The following HIVEP3 variants were observed in gnomAD, a reference collection of about 807,000 sequenced individuals.
The protein encoded by HIVEP3 is HIVEP zinc finger 3.
A neutral mutation model predicts 152.8 loss-of-function variants in HIVEP3; 49 were observed. That is an observed-to-expected ratio of 0.32 (90% CI 0.26 to 0.41). The LOEUF (loss-of-function observed/expected upper bound fraction) is 0.41. HIVEP3 is among the 10% of genes least tolerant of loss of function. HIVEP3 has a pLI of 1.00. For missense variants in HIVEP3, 2,790 were observed against 3,103.3 expected, an observed-to-expected ratio of 0.90 and a Z score of 2.40; for synonymous variants, 1,269 against 1,289.0, an observed-to-expected ratio of 0.98 and a Z score of 0.33.
chr1:41,957,278 G>C (rs1302486615), intron 1 of HIVEP3, among the ~76,000 whole-genome samples: 1 of 152,140 alleles, frequency 6.6e-6, no homozygotes, highest in Admixed American at 6.5e-5. Flanking sequence ...AAATAAAGTA[G>C]AATAAAATCC....
chr1:41,712,527 CGATGGTT>C (rs1558201664), intron 1 of HIVEP3, among the ~76,000 whole-genome samples: 1 of 152,120 alleles, frequency 6.6e-6, no homozygotes, highest in East Asian at 1.9e-4. Context: ...TGTGGCTGGC[CGATGGTT>C]TAGGCAGATG....
At chr1:41,756,384 A>G (rs1182308886) in intron 1 of HIVEP3, among the ~76,000 whole-genome samples, 1 of 152,240 alleles carries the variant, frequency 6.6e-6, no homozygotes, top group African/African-American at 2.4e-5. Context: ...GTGATGAAGT[A>G]ACGTGATAAA....
chr1:42,026,089 T>A (rs116204012), intron 1 of HIVEP3, among the ~76,000 whole-genome samples: 2 of 151,254 alleles, frequency 1.3e-5, no homozygotes, highest in African/African-American at 2.4e-5. Flanking sequence ...AAAAAAAAAA[T>A]CTGCGAAAAG....
At chr1:41,791,159 C>CACAA (rs1338201542) in intron 1 of HIVEP3, among the ~76,000 whole-genome samples, 6 of 145,706 alleles carry the variant, frequency 4.1e-5, no homozygotes, top group Non-Finnish European at 7.5e-5. Context: ...CACACACACA[C>CACAA]ACACACGAGT....
intron 1 of HIVEP3, among the ~76,000 whole-genome samples, chr1:41,765,014 A>G (rs871343): frequency 0.47 from 71,467 of 151,930 alleles, 19,684 homozygotes; most frequent in Non-Finnish European, 0.63. Context: ...CAACTGTGTC[A>G]CCCTTTACCA....
chr1:41,707,142 G>A lies in HIVEP3; in HGVS notation c.-800-6147C>T, dbSNP rs189345654. Among the ~76,000 whole-genome samples the A allele has an allele frequency of 5.9e-5, 9 of 152,290 alleles. No homozygotes were observed. The East Asian group carries it at 7.7e-4, about 13-fold the overall frequency. On this transcript the variant is annotated intron_variant, in intron 1 of 8. Coordinates refer to ENST00000372583, the MANE Select transcript of HIVEP3 (RefSeq NM_024503.5). ...ATGCTGCTCCCCTCAGCTCCCCCGGGGCTGCCCCTTGAAGGGGTTCTGCAG... is the reference window on the plus strand; with the variant it reads ...ATGCTGCTCCCCTCAGCTCCCCCGGAGCTGCCCCTTGAAGGGGTTCTGCAG...
At chr1:41,853,002 C>T (rs1364492434) in intron 1 of HIVEP3, among the ~76,000 whole-genome samples, 3 of 152,142 alleles carry the variant, frequency 2.0e-5, no homozygotes, top group Non-Finnish European at 2.9e-5. Context: ...ACTTCACGTC[C>T]CCACCACGAA....
Position 42,012,276 on chromosome 1 carries a change from C to T in HIVEP3, n.119+23531G>A, listed in dbSNP as rs187636327. 2.0e-5 allele frequency among the ~76,000 whole-genome samples: 3 copies of T among 152,262 alleles called. No individual in the cohort carries two copies. The East Asian group carries it at 5.8e-4, about 29-fold the overall frequency. On this transcript the variant is annotated intron_variant and non_coding_transcript_variant, in intron 1 of 3. Coordinates refer to the HIVEP3 transcript ENST00000489103. Reference sequence around the variant, plus strand: ...GTACCTTATAATTGGTGACCTCTCACATGTTATGAATGGAGTGTTTGCGTA... The same window carrying T: ...GTACCTTATAATTGGTGACCTCTCATATGTTATGAATGGAGTGTTTGCGTA...
intron 1 of HIVEP3, among the ~76,000 whole-genome samples, chr1:41,897,562 A>C (rs1644549552): frequency 1.3e-5 from 2 of 152,196 alleles, no homozygotes; most frequent in Non-Finnish European, 2.9e-5. Context: ...CAGCCGCCAG[A>C]ATAGTGAGCA....
intron 1 of HIVEP3, among the ~76,000 whole-genome samples, chr1:41,867,227 A>C (rs1284741647): frequency 1.3e-5 from 2 of 151,978 alleles, no homozygotes; most frequent in East Asian, 3.9e-4. Context: ...GCATGAAATG[A>C]GGTGGATGGG....
intron 1 of HIVEP3, among the ~76,000 whole-genome samples, chr1:41,738,724 T>A (rs2124201383): frequency 6.6e-6 from 1 of 152,312 alleles, no homozygotes; most frequent in South Asian, 2.1e-4. Flanking sequence ...GCTTGATCAA[T>A]TCCTTTCTCC....
At chr1:41,606,214 C>T (rs1015115726) in intron 3 of HIVEP3, among the ~76,000 whole-genome samples, 4 of 151,878 alleles carry the variant, frequency 2.6e-5, no homozygotes, top group Admixed American at 2.6e-4. Flanking sequence ...TTTGGTGGTT[C>T]TGGCAGTTGC....
chr1:41,970,467 T>C (rs1033958402), intron 1 of HIVEP3, among the ~76,000 whole-genome samples: 1 of 152,056 alleles, frequency 6.6e-6, no homozygotes, highest in African/African-American at 2.4e-5. Context: ...TATTATCTTA[T>C]AAGTGGGAGC....
intron 1 of HIVEP3, among the ~76,000 whole-genome samples, chr1:42,005,622 T>C (rs1645454965): frequency 6.6e-6 from 1 of 152,190 alleles, no homozygotes; most frequent in South Asian, 2.1e-4. Context: ...GCTGCATCTT[T>C]CTGAAGATAT....
chr1:41,943,177 A>C (rs928151958), intron 1 of HIVEP3, among the ~76,000 whole-genome samples: 1 of 152,152 alleles, frequency 6.6e-6, no homozygotes, highest in African/African-American at 2.4e-5. Flanking sequence ...AAGTGCTGGG[A>C]TTACAGGCAT....
At chr1:41,651,097 G>A (rs1018692346) in intron 2 of HIVEP3, among the ~76,000 whole-genome samples, 5 of 152,082 alleles carry the variant, frequency 3.3e-5, no homozygotes, top group African/African-American at 7.2e-5. Context: ...TCAACCAATC[G>A]AGGATCAAAA....
At chr1:41,714,946 C>T (rs1016137963) in intron 1 of HIVEP3, among the ~76,000 whole-genome samples, 10 of 152,126 alleles carry the variant, frequency 6.6e-5, no homozygotes, top group East Asian at 3.9e-4. Flanking sequence ...CCACTCCCTC[C>T]GGCACCATCT....
chr1:41,888,004 C>T (rs184931201), intron 1 of HIVEP3, among the ~76,000 whole-genome samples: 192 of 151,926 alleles, frequency 1.3e-3, no homozygotes, highest in South Asian at 2.7e-3. Flanking sequence ...CATCACACCC[C>T]CACCCCAGGC....
intron 3 of HIVEP3, among the ~76,000 whole-genome samples, 157 bp from the exon 4 acceptor site, chr1:41,585,475 G>T (rs990830758): frequency 6.6e-6 from 1 of 152,054 alleles, no homozygotes; most frequent in Non-Finnish European, 1.5e-5. Context: ...AGAACCACAG[G>T]CTCCGGCTCC....
Sources: allele counts gnomAD v4.1 joint callset (sites outside exome capture counted in the v4.1 genomes callset), GRCh38; gene constraint gnomAD v4.1.1; transcripts MANE v1.5; gene names NCBI Gene and HGNC (gene_info 2026-07-23, HGNC 2026-07-21).